TAOK1: variants seen among roughly 807,000 people sequenced by gnomAD.
TAOK1 encodes the protein TAO kinase 1.
In TAOK1, 21 loss-of-function variants were observed where a neutral mutation model predicts 138.3. That is an observed-to-expected ratio of 0.15 (90% CI 0.11 to 0.22). The LOEUF (loss-of-function observed/expected upper bound fraction) is 0.22. TAOK1 is among the 10% of genes least tolerant of loss of function. The probability of loss-of-function intolerance (pLI) is 1.00; values close to 1 mark genes in which losing one functional copy is unlikely to be tolerated. For missense variants in TAOK1, 651 were observed against 1,227.7 expected, an observed-to-expected ratio of 0.53 and a Z score of 7.02; for synonymous variants, 361 against 398.4, an observed-to-expected ratio of 0.91 and a Z score of 1.12.
rs1016326217 is a variant in TAOK1, at chr17:29,397,629, T to C, written c.-95+6605T>C. Among the ~76,000 whole-genome samples, 5 of 88,800 alleles carry C rather than the reference T, an allele frequency of 5.6e-5. 1 individual carries two copies. The highest frequency in any genetic ancestry group is 9.4e-5 in the Non-Finnish European group (4 of 42,590). 58.3% of individuals were successfully genotyped at this position (88,800 alleles called of 152,430 possible). A position where few individuals can be genotyped will look rare whatever the true frequency, so the allele number is the denominator to read the frequency against. ...CCCCAAAAAAATATATATATATATA[T>C]ACATGTATACATGTATATATGTATA... On this transcript the variant is annotated intron_variant, in intron 1 of 19. Coordinates refer to ENST00000261716, the MANE Select transcript of TAOK1 (RefSeq NM_020791.4).
rs189702832 is a variant in TAOK1, at chr17:29,442,065, T to G, written c.-94-9390T>G. Among the ~76,000 whole-genome samples the G allele has an allele frequency of 1.7e-3, 262 of 152,170 alleles. 3 individuals carry two copies. Among genetic ancestry groups the G allele is most frequent in the East Asian group, 3.9e-3 (20 of 5,188 alleles). ...TTTCTGTCTTTTTTTTTGTTTGTTT[T>G]TTTTTGAGACAGGGTCATCCAGGTT... On this transcript the variant is annotated intron_variant, in intron 1 of 19. Coordinates refer to ENST00000261716, the MANE Select transcript of TAOK1 (RefSeq NM_020791.4).
chr17:29,547,700 A>G lies in TAOK1; in HGVS notation c.*4678A>G, dbSNP rs993127018. 2 of 152,164 alleles carry G rather than the reference A, an allele frequency of 1.3e-5. No individual in the cohort carries two copies. The highest frequency in any genetic ancestry group is 1.3e-4 in the Admixed American group (2 of 15,262). 9.4% of individuals were successfully genotyped at this position (152,164 alleles called of 1,614,324 possible). On this transcript the variant is annotated 3_prime_UTR_variant, in exon 20 of 20. Coordinates refer to ENST00000261716, the MANE Select transcript of TAOK1 (RefSeq NM_020791.4). Reference sequence around the variant, plus strand: ...TGAGCTGTTTACCAAAATACAGACCATTATTGAAGAAAAACAAATTATCTA... The same window carrying G: ...TGAGCTGTTTACCAAAATACAGACCGTTATTGAAGAAAAACAAATTATCTA...
chr17:29,474,079 C>G (rs889434779), intron 3 of TAOK1, among the ~76,000 whole-genome samples: 2 of 152,106 alleles, frequency 1.3e-5, no homozygotes, highest in African/African-American at 4.8e-5. Context: ...TTCCTTAAAC[C>G]TGATGAAGCA....
chr17:29,482,325 G>T, intron 8 of TAOK1, 37 bp downstream of exon 8: 1 of 1,511,466 alleles, frequency 6.6e-7, no homozygotes. Context: ...ATTAAGTTTT[G>T]ATCAATGTTT....
At chr17:29,503,438 A>ATATTATG in intron 13 of TAOK1, among the ~76,000 whole-genome samples, 1 of 151,422 alleles carries the variant, frequency 6.6e-6, no homozygotes, top group Non-Finnish European at 1.5e-5. Context: ...GTAAGGAAAT[A>ATATTATG]TATTATGTGG....
rs1435419104 is a variant in TAOK1, at chr17:29,395,943, C to T, written c.-95+4919C>T. 5.5e-5 allele frequency among the ~76,000 whole-genome samples: 8 copies of T among 145,520 alleles called. No homozygotes were observed. In the East Asian group the frequency reaches 1.5e-3, roughly 27 times the overall value. ...TTGGCCTCCCAAAGTGCTGAGATTA[C>T]AGACATGAGCCACTGCACCCGGCCC... On this transcript the variant is annotated intron_variant, in intron 1 of 19. Transcript: ENST00000261716.
intron 1 of TAOK1, among the ~76,000 whole-genome samples, chr17:29,442,460 G>A (rs1156458366): frequency 6.6e-6 from 1 of 150,648 alleles, no homozygotes; most frequent in Non-Finnish European, 1.5e-5. Context: ...AAGTTTAGTG[G>A]CCATTTGTAA....
At chr17:29,454,223 G>C (rs1385037101) in intron 2 of TAOK1, among the ~76,000 whole-genome samples, 1 of 152,034 alleles carries the variant, frequency 6.6e-6, no homozygotes, top group Non-Finnish European at 1.5e-5. Flanking sequence ...CAAATCAGTT[G>C]ATCATATTTC....
chr17:29,397,983 C>T (rs1904716180), intron 1 of TAOK1, among the ~76,000 whole-genome samples: 1 of 151,730 alleles, frequency 6.6e-6, no homozygotes, highest in Non-Finnish European at 1.5e-5. Context: ...ACCTTCAGGG[C>T]CGAAGCCGTG....
At chr17:29,423,979 G>A (rs1016586783) in intron 1 of TAOK1, among the ~76,000 whole-genome samples, 7 of 151,174 alleles carry the variant, frequency 4.6e-5, no homozygotes, top group African/African-American at 1.7e-4. Flanking sequence ...AACCCGGGAG[G>A]CGGAGGTTGC....
intron 17 of TAOK1, among the ~76,000 whole-genome samples, chr17:29,524,876 C>G (rs2031982797): frequency 6.6e-6 from 1 of 152,168 alleles, no homozygotes; most frequent in Admixed American, 6.6e-5. Flanking sequence ...TCCGCTGTTT[C>G]TTCAGCTGCC....
chr17:29,400,737 T>C (rs576124131), intron 1 of TAOK1, among the ~76,000 whole-genome samples: 175 of 152,264 alleles, frequency 1.1e-3, no homozygotes, highest in African/African-American at 4.1e-3. Flanking sequence ...TTTCCCATAA[T>C]TTTTAGTTCC....
At chr17:29,529,545 A>G (rs2032068222) in intron 17 of TAOK1, among the ~76,000 whole-genome samples, 1 of 152,120 alleles carries the variant, frequency 6.6e-6, no homozygotes, top group African/African-American at 2.4e-5. Context: ...CAGCCTAGGT[A>G]ACACAGTGAA....
intron 1 of TAOK1, among the ~76,000 whole-genome samples, chr17:29,428,527 T>A (rs553903771): frequency 5.9e-5 from 9 of 152,356 alleles, no homozygotes; most frequent in African/African-American, 1.7e-4. Context: ...TATGGAAATC[T>A]GGCTCTGTTA....
intron 16 of TAOK1, among the ~76,000 whole-genome samples, chr17:29,521,292 T>A: frequency 6.6e-6 from 1 of 152,182 alleles, no homozygotes; most frequent in East Asian, 1.9e-4. Flanking sequence ...TTTACTTGTT[T>A]CCAATATGAA....
rs58899743 is a variant in TAOK1, at chr17:29,399,125, T to A, written c.-95+8101T>A. Among the ~76,000 whole-genome samples the A allele has an allele frequency of 7.4e-3, 1,129 of 151,992 alleles. 16 individuals carry two copies. The highest frequency in any genetic ancestry group is 0.026 in the African/African-American group (1,082 of 41,470). On this transcript the variant is annotated intron_variant, in intron 1 of 19. Transcript: ENST00000261716. ...CCTTTGCCCTCCAAGTAGCTAGGAC[T>A]ACAGGCAAATGCCACTGCCTGGCTA...
chr17:29,441,978 A>G (rs753385797), intron 1 of TAOK1, among the ~76,000 whole-genome samples: 5 of 151,192 alleles, frequency 3.3e-5, no homozygotes, highest in Non-Finnish European at 7.4e-5. Context: ...TGTCTGGTTA[A>G]TAGGTTTGTC....
At chr17:29,423,054 T>A (rs926531985) in intron 1 of TAOK1, among the ~76,000 whole-genome samples, 6 of 151,826 alleles carry the variant, frequency 4.0e-5, no homozygotes, top group African/African-American at 1.2e-4. Context: ...TAGCTGTTGG[T>A]GTCATTGACT....
At chr17:29,528,694 G>T (rs2032052950) in intron 17 of TAOK1, among the ~76,000 whole-genome samples, 2 of 151,716 alleles carry the variant, frequency 1.3e-5, no homozygotes, top group African/African-American at 2.4e-5. Context: ...ACAAAAATTG[G>T]CTGGGCTTGG....
Sources: gnomAD v4.1 joint callset for allele counts (sites outside exome capture counted in the v4.1 genomes callset) on GRCh38, gnomAD v4.1.1 for gene constraint, MANE v1.5 for transcripts, NCBI Gene and HGNC (gene_info 2026-07-23, HGNC 2026-07-21) for gene names.